SZRD1: variants seen among roughly 807,000 people sequenced by gnomAD.
SZRD1 encodes the protein SUZ RNA-binding domain-containing.
In SZRD1, 7 loss-of-function variants were observed where a neutral mutation model predicts 17.6. The observed-to-expected ratio is 0.40, with a 90% CI of 0.23 to 0.75. The LOEUF (loss-of-function observed/expected upper bound fraction) is 0.75, where lower values mean the gene tolerates loss of function less well. SZRD1 is among the 30% of genes least tolerant of loss of function. SZRD1 has a pLI of 0.38. For missense variants in SZRD1, 178 were observed against 201.8 expected (o/e 0.88, Z 0.71); for synonymous variants, 77 against 77.9 (o/e 0.99, Z 0.06).
chr1:16,389,547 G>A (rs931981247), intron 1 of SZRD1, among the ~76,000 whole-genome samples: 1 of 151,242 alleles, frequency 6.6e-6, no homozygotes, highest in Admixed American at 6.6e-5. Context: ...TCCTGACCTC[G>A]TGATCCGCCC....
chr1:16,368,198 C>G (rs2082855811), intron 1 of SZRD1, among the ~76,000 whole-genome samples: 1 of 152,082 alleles, frequency 6.6e-6, no homozygotes, highest in Non-Finnish European at 1.5e-5. Context: ...TGTGGTGACC[C>G]TTGTGAATAT....
intron 1 of SZRD1, chr1:16,387,943 A>C: frequency 3.1e-6 from 1 of 325,260 alleles, no homozygotes; most frequent in Non-Finnish European, 6.0e-6. Flanking sequence ...TGTGTTTGTC[A>C]GTTCACAGAA....
chr1:16,374,632 A>G lies in SZRD1; in HGVS notation c.51+7324A>G, dbSNP rs150323616. 2.7e-3 allele frequency among the ~76,000 whole-genome samples: 405 copies of G among 152,296 alleles called. 5 individuals are homozygous for G. The South Asian group carries it at 0.03, about 11-fold the overall frequency. On this transcript the variant is annotated intron_variant, in intron 1 of 3. Coordinates refer to ENST00000401088, the MANE Select transcript of SZRD1 (RefSeq NM_001114600.3). ...TTGTCTAGGTCTGATGACTGAAAAC[A>G]TTCCAGGGGCCAGCCCTTTCCAGTT...
intron 1 of SZRD1, chr1:16,367,565 A>G: frequency 2.0e-6 from 1 of 506,316 alleles, no homozygotes; most frequent in Non-Finnish European, 3.5e-6. Context: ...CCCACCCGCC[A>G]CCCGGGGCCT....
chr1:16,392,730 G>A (rs1417629050), intron 2 of SZRD1, among the ~76,000 whole-genome samples: 1 of 152,176 alleles, frequency 6.6e-6, no homozygotes, highest in East Asian at 1.9e-4. Flanking sequence ...GGATGGCGTA[G>A]TGGGCTCCTT....
intron 1 of SZRD1, chr1:16,369,338 T>C (rs769032601): frequency 2.6e-6 from 2 of 771,058 alleles, no homozygotes; most frequent in Non-Finnish European, 4.6e-6. Context: ...CTCTTACTCC[T>C]TTCAATGGTC....
intron 1 of SZRD1, among the ~76,000 whole-genome samples, chr1:16,370,701 ATC>A (rs1256055186): frequency 6.6e-6 from 1 of 151,734 alleles, no homozygotes; most frequent in African/African-American, 2.4e-5. Context: ...CAGTGGCATA[ATC>A]ATAGCTTACT....
chr1:16,370,781 C>T (rs79584325), intron 1 of SZRD1, among the ~76,000 whole-genome samples: 4,075 of 152,306 alleles, frequency 0.027, 182 homozygotes, highest in African/African-American at 0.091. Context: ...GGATTATAGG[C>T]ATGAGCCACT....
At chr1:16,386,249 A>G (rs1424151073) in intron 1 of SZRD1, among the ~76,000 whole-genome samples, 2 of 152,238 alleles carry the variant, frequency 1.3e-5, no homozygotes, top group South Asian at 2.1e-4. Context: ...CACAGCAGTC[A>G]CAGCGATGGT....
chr1:16,379,783 C>T (rs1570015476), intron 1 of SZRD1, among the ~76,000 whole-genome samples: 1 of 123,588 alleles, frequency 8.1e-6, no homozygotes, highest in African/African-American at 3.0e-5. Context: ...TTTTTTGAGA[C>T]GAAGTCTCGC....
rs898896642 is a variant in SZRD1 at position 16,388,125 on chromosome 1, A to G, written c.52-3250A>G. On this transcript the variant is annotated intron_variant, in intron 1 of 3. Coordinates refer to ENST00000401088, the MANE Select transcript of SZRD1 (RefSeq NM_001114600.3). ...AATACAATAAATTACATATATATAT[A>G]TATTTTGAGACAGAGTCATGCTCTA... Among the ~76,000 whole-genome samples, 12 of 152,238 alleles carry G rather than the reference A, an allele frequency of 7.9e-5. No homozygotes were observed. In the South Asian group the frequency reaches 2.3e-3, roughly 29 times the overall value.
chr1:16,393,092 C>G lies in SZRD1; in HGVS notation c.102-136C>G. The G allele has an allele frequency of 1.6e-6, 2 of 1,262,432 alleles. No homozygotes were observed. The highest frequency in any genetic ancestry group is 2.2e-6 in the Non-Finnish European group (2 of 899,484). 78.2% of individuals were successfully genotyped at this position (1,262,432 alleles called of 1,614,324 possible). A position where few individuals can be genotyped will look rare whatever the true frequency, so the allele number is the denominator to read the frequency against. On this transcript the variant is annotated intron_variant, in intron 2 of 3. Coordinates refer to ENST00000401088, the MANE Select transcript of SZRD1 (RefSeq NM_001114600.3). The surrounding 1 kb of genome is among the most constrained non-coding windows in gnomAD (Gnocchi z 5.6). ...TCTTGAGGAGTGGAAATTTTGCTGTCTGGTCAGAGGCCAGAGAATCATGCA... is the reference window on the plus strand; with the variant it reads ...TCTTGAGGAGTGGAAATTTTGCTGTGTGGTCAGAGGCCAGAGAATCATGCA...
At chr1:16,384,472 C>T (rs1383437721) in intron 1 of SZRD1, among the ~76,000 whole-genome samples, 2 of 151,862 alleles carry the variant, frequency 1.3e-5, no homozygotes, top group Admixed American at 1.3e-4. Context: ...TAGATTGCTT[C>T]TACCTGTGAA....
At chr1:16,382,889 G>A (rs1486258033) in intron 1 of SZRD1, among the ~76,000 whole-genome samples, 1 of 149,674 alleles carries the variant, frequency 6.7e-6, no homozygotes, top group Non-Finnish European at 1.5e-5. Flanking sequence ...TTTTTGAGAC[G>A]GAGTCTCACT....
At chr1:16,380,264 C>T (rs2083077271) in intron 1 of SZRD1, among the ~76,000 whole-genome samples, 1 of 150,938 alleles carries the variant, frequency 6.6e-6, no homozygotes, top group Non-Finnish European at 1.5e-5. Context: ...CGCTTGAGGG[C>T]AGGAGTTTGA....
intron 1 of SZRD1, among the ~76,000 whole-genome samples, chr1:16,389,277 G>A (rs868477277): frequency 5.3e-5 from 6 of 112,248 alleles, no homozygotes; most frequent in Admixed American, 3.8e-4. Context: ...GAGGGGGGGT[G>A]GGGGGGGGGC....
chr1:16,389,662 G>T (rs569683326), intron 1 of SZRD1, among the ~76,000 whole-genome samples: 3 of 152,208 alleles, frequency 2.0e-5, no homozygotes, highest in Admixed American at 6.5e-5. Context: ...AGCCAGGATG[G>T]TCTCAATCTC....
rs979321196 is a variant in SZRD1, at chr1:16,393,367, C to T, written c.241C>T (p.Pro81Ser). 15 of 1,614,104 alleles carry T rather than the reference C, an allele frequency of 9.3e-6. No homozygotes were observed. The African/African-American group carries it at 1.9e-4, about 20-fold the overall frequency. The change falls in exon 3 of 4, where the codon CCC becomes TCC. Residue 81 changes from proline to serine, a missense_variant. Pro to Ser is a moderately conservative substitution (Grantham distance 74). Coordinates refer to ENST00000401088, the MANE Select transcript of SZRD1 (RefSeq NM_001114600.3). This position sits in a 1 kb window ranked among gnomAD's most constrained non-coding sequence, Gnocchi z 5.6. Reference protein sequence around the residue: ...VVSSPNSTSRPTLPVKSLAQR... With the variant: ...VVSSPNSTSRSTLPVKSLAQR... The stretch of plus-strand genomic sequence containing the variant: ...CAGCAGCCCCAACTCCACCAGCAGG[C>T]CCACCCTTCCAGTCAAGTCCCTAGC...
At chr1:16,382,171 A>G (rs1227285449) in intron 1 of SZRD1, among the ~76,000 whole-genome samples, 3 of 151,004 alleles carry the variant, frequency 2.0e-5, no homozygotes, top group Non-Finnish European at 4.4e-5. Context: ...GGTGCTGAGC[A>G]GGGGCTAGCA....
Sources: gnomAD v4.1 joint callset for allele counts (sites outside exome capture counted in the v4.1 genomes callset) on GRCh38, gnomAD v4.1.1 for gene constraint, Gnocchi (gnomAD v3.1) non-coding constraint, MANE v1.5 for transcripts, NCBI Gene and HGNC (gene_info 2026-07-23, HGNC 2026-07-21) for gene names.